MAF: variants seen among roughly 807,000 people sequenced by gnomAD.
MAF encodes MAF bZIP transcription factor.
MAF carries 10 observed loss-of-function variants against 22.0 expected under a neutral mutation model. The ratio of observed to expected loss-of-function variants is 0.45; its 90% confidence interval spans 0.28 to 0.77. MAF has a LOEUF of 0.77. Among genes scored for constraint, MAF ranks in the 30% least tolerant of loss-of-function variants. MAF has a pLI of 0.12. For synonymous variants in MAF, 337 were observed against 255.8 expected, an observed-to-expected ratio of 1.32 and a Z score of -3.03; for missense variants, 544 against 548.4, an observed-to-expected ratio of 0.99 and a Z score of 0.08.
the MAF span, among the ~76,000 whole-genome samples, chr16:79,511,314 A>T: frequency 6.6e-6 from 1 of 152,178 alleles, no homozygotes; most frequent in African/African-American, 2.4e-5. Flanking sequence ...AAGAGAATGT[A>T]TTTTTTAAAA....
chr16:79,432,994 C>T, the MAF span, among the ~76,000 whole-genome samples: 1 of 152,114 alleles, frequency 6.6e-6, no homozygotes, highest in Non-Finnish European at 1.5e-5. Context: ...CTTATGCCAG[C>T]CTAGCAAACT....
the MAF span, among the ~76,000 whole-genome samples, chr16:79,510,378 T>C: frequency 3.3e-5 from 5 of 152,226 alleles, no homozygotes; most frequent in African/African-American, 4.8e-5. Context: ...GTTTTATTAA[T>C]GTTTTCTAAC....
intron 1 of MAF, among the ~76,000 whole-genome samples, chr16:79,586,878 G>A (rs558530432): frequency 3.9e-5 from 6 of 152,280 alleles, no homozygotes; most frequent in Non-Finnish European, 7.4e-5. Context: ...CAATAACGGC[G>A]ATAAACTAGT....
chr16:79,444,129 G>C, the MAF span, among the ~76,000 whole-genome samples: 4 of 151,754 alleles, frequency 2.6e-5, no homozygotes, highest in South Asian at 8.4e-4. Context: ...ATATTAAATG[G>C]GTAAAGCAAA....
chr16:79,500,526 T>C, the MAF span, among the ~76,000 whole-genome samples: 1 of 152,154 alleles, frequency 6.6e-6, no homozygotes, highest in Non-Finnish European at 1.5e-5. Context: ...TCCTACTCCT[T>C]CTTCTCTCTA....
the MAF span, among the ~76,000 whole-genome samples, chr16:79,265,887 G>A: frequency 6.6e-6 from 1 of 152,166 alleles, no homozygotes; most frequent in African/African-American, 2.4e-5. Flanking sequence ...CGCAGCAGTC[G>A]AGCTGATGAC....
chr16:79,463,629 C>A, the MAF span, among the ~76,000 whole-genome samples: 1 of 152,144 alleles, frequency 6.6e-6, no homozygotes, highest in Non-Finnish European at 1.5e-5. Flanking sequence ...TCAAGTCAAA[C>A]CCTGCTGGAC....
chr16:79,497,881 G>T, the MAF span, among the ~76,000 whole-genome samples: 1 of 152,186 alleles, frequency 6.6e-6, no homozygotes, highest in Non-Finnish European at 1.5e-5. Flanking sequence ...CCTATCTGTT[G>T]TTCCCTATTG....
At chr16:79,301,682 C>G in the MAF span, among the ~76,000 whole-genome samples, 1 of 151,912 alleles carries the variant, frequency 6.6e-6, no homozygotes, top group African/African-American at 2.4e-5. Flanking sequence ...ATGTATTTTA[C>G]TATATATGTT....
the MAF span, among the ~76,000 whole-genome samples, chr16:79,509,646 G>A: frequency 2.0e-5 from 3 of 152,230 alleles, no homozygotes; most frequent in South Asian, 2.1e-4. Context: ...CAAGGCCTGC[G>A]TTACCTTGGC....
At chr16:79,324,177 G>C in the MAF span, among the ~76,000 whole-genome samples, 1 of 152,118 alleles carries the variant, frequency 6.6e-6, no homozygotes, top group African/African-American at 2.4e-5. Flanking sequence ...TGTAAAATGT[G>C]GGCATGAGTA....
the MAF span, among the ~76,000 whole-genome samples, chr16:79,473,309 G>A: frequency 6.6e-6 from 1 of 152,114 alleles, no homozygotes; most frequent in Non-Finnish European, 1.5e-5. Flanking sequence ...CAAAATCCAC[G>A]GTGGCAACCC....
At chr16:79,573,963 G>A in the MAF span, among the ~76,000 whole-genome samples, 5 of 152,298 alleles carry the variant, frequency 3.3e-5, 1 homozygote, top group Admixed American at 6.5e-5. Context: ...GCCTGTTTGT[G>A]TACCTAATTG....
chr16:79,448,108 G>A, the MAF span, among the ~76,000 whole-genome samples: 5 of 152,116 alleles, frequency 3.3e-5, no homozygotes, highest in Admixed American at 1.3e-4. Context: ...CAGCAGCAGC[G>A]TTTGAGAGGT....
chr16:79,403,861 G>A, the MAF span, among the ~76,000 whole-genome samples: 1 of 152,174 alleles, frequency 6.6e-6, no homozygotes, highest in East Asian at 1.9e-4. Context: ...ATTTCACAGA[G>A]AGCCTTTCTT....
At chr16:79,243,249 C>T in the MAF span, among the ~76,000 whole-genome samples, 1 of 151,974 alleles carries the variant, frequency 6.6e-6, no homozygotes, top group Non-Finnish European at 1.5e-5. Flanking sequence ...TAAAAAAAAT[C>T]CGTGAATCCA....
the MAF span, among the ~76,000 whole-genome samples, chr16:79,489,286 C>A: frequency 6.6e-6 from 1 of 152,184 alleles, no homozygotes; most frequent in Admixed American, 6.6e-5. Flanking sequence ...TCCACCCACT[C>A]ACACATCCAT....
the MAF span, among the ~76,000 whole-genome samples, chr16:79,285,341 T>A: frequency 6.6e-6 from 1 of 152,214 alleles, no homozygotes; most frequent in South Asian, 2.1e-4. Context: ...TTCTGGGCAC[T>A]GTTTAGCCAC....
the MAF span, among the ~76,000 whole-genome samples, chr16:79,506,521 A>C: frequency 6.6e-6 from 1 of 152,230 alleles, no homozygotes; most frequent in African/African-American, 2.4e-5. Context: ...CATGCATAGC[A>C]GAGAGAATGT....
Sources: gnomAD v4.1 joint callset for allele counts (sites outside exome capture counted in the v4.1 genomes callset) on GRCh38, gnomAD v4.1.1 for gene constraint, MANE v1.5 for transcripts, NCBI Gene and HGNC (gene_info 2026-07-23, HGNC 2026-07-21) for gene names.